Variants in KIF3A observed in about 807,000 individuals in gnomAD.
The protein encoded by KIF3A is kinesin family member 3A.
Under a neutral mutation model 92.6 loss-of-function variants are expected in KIF3A, and 27 were observed. The observed-to-expected ratio is 0.29, with a 90% CI of 0.21 to 0.40. The LOEUF (loss-of-function observed/expected upper bound fraction) is 0.40. Among genes scored for constraint, KIF3A ranks in the 10% least tolerant of loss-of-function variants. KIF3A has a pLI of 1.00. For synonymous variants in KIF3A, 250 were observed against 275.4 expected (o/e 0.91, Z 0.92); for missense variants, 581 against 872.6 (o/e 0.67, Z 4.21).
Position 132,734,279 on chromosome 5 carries a change from G to C in KIF3A, c.206C>G (p.Pro69Arg), listed in dbSNP as rs1256670620. 2 of 1,613,740 alleles carry C rather than the reference G, an allele frequency of 1.2e-6. No homozygotes were observed. The highest frequency in any genetic ancestry group is 8.5e-7 in the Non-Finnish European group (1 of 1,179,658). ...KTFTFDTVFG[P>R]ESKQLDVYNL... ...ATAAACATCAAGTTGTTTACTCTCT[G>C]GTCCAAAAACAGTATCAAAAGTAAA... The change falls in exon 2 of 19, where the codon CCA becomes CGA. Residue 69 changes from proline (P) to arginine (R), a missense_variant. By Grantham distance (103) the Pro-to-Arg change is moderately radical (BLOSUM62 -2). Transcript: ENST00000403231.
Position 132,734,262 on chromosome 5 carries a change from C to G in KIF3A, c.223G>C (p.Asp75His), listed in dbSNP as rs1158505935. 6.2e-7 allele frequency: 1 copy of G among 1,613,772 alleles called. No individual in the cohort carries two copies. Among genetic ancestry groups the G allele is most frequent in the Non-Finnish European group, 8.5e-7 (1 of 1,179,818 alleles). The change falls in exon 2 of 19, where the codon GAT becomes CAT. Residue 75 changes from aspartate to histidine, a missense_variant. Around this residue, in one of 5 missense-constraint regions of KIF3A, gnomAD observed 217 missense variants for 299.7 expected, o/e 0.72. Transcript: ENST00000403231. ...TVFGPESKQL[D>H]VYNLTARPII... ...GGTCTTGCAGTTAAGTTATAAACATCAAGTTGTTTACTCTCTGGTCCAAAA... is the reference window on the plus strand; with the variant it reads ...GGTCTTGCAGTTAAGTTATAAACATGAAGTTGTTTACTCTCTGGTCCAAAA...
intron 7 of KIF3A, 72 bp downstream of exon 7, chr5:132,716,173 C>T (rs1034549724): frequency 9.7e-6 from 12 of 1,241,578 alleles, no homozygotes; most frequent in East Asian, 7.0e-5. Context: ...AAATGTGATA[C>T]GTATCAATTA....
intron 8 of KIF3A, among the ~76,000 whole-genome samples, chr5:132,711,994 C>T (rs1422570997): frequency 6.6e-6 from 1 of 151,982 alleles, no homozygotes; most frequent in African/African-American, 2.4e-5. Flanking sequence ...AAATGTCTAA[C>T]AAAATAAAAT....
chr5:132,700,919 T>C (rs531535347), intron 15 of KIF3A, among the ~76,000 whole-genome samples: 2 of 152,276 alleles, frequency 1.3e-5, no homozygotes, highest in South Asian at 4.1e-4. Flanking sequence ...ATGAGAAACT[T>C]GGGAATCAAG....
intron 12 of KIF3A, 62 bp from the exon 13 acceptor site, chr5:132,703,127 T>G: frequency 7.1e-7 from 1 of 1,405,854 alleles, no homozygotes; most frequent in South Asian, 1.3e-5. Flanking sequence ...CTAATATCAT[T>G]TCCCAAAATT....
chr5:132,722,675 G>A (rs923219278), intron 4 of KIF3A, among the ~76,000 whole-genome samples: 2 of 152,154 alleles, frequency 1.3e-5, no homozygotes, highest in African/African-American at 4.8e-5. Flanking sequence ...AAGACAAAGT[G>A]CTTTTCCATA....
At chr5:132,735,505 G>T (rs904922547) in intron 1 of KIF3A, among the ~76,000 whole-genome samples, 10 of 152,148 alleles carry the variant, frequency 6.6e-5, no homozygotes, top group Admixed American at 6.5e-4. Flanking sequence ...GCATTGAAGA[G>T]AAACAAATAT....
chr5:132,735,462 G>C, intron 1 of KIF3A, among the ~76,000 whole-genome samples: 1 of 152,182 alleles, frequency 6.6e-6, no homozygotes, highest in East Asian at 1.9e-4. Flanking sequence ...ACAGATACTT[G>C]TTAAATTCCT....
chr5:132,717,544 G>A (rs1441573663), intron 5 of KIF3A, among the ~76,000 whole-genome samples: 3 of 150,048 alleles, frequency 2.0e-5, no homozygotes, highest in East Asian at 3.9e-4. Flanking sequence ...AAAAAAATAA[G>A]GTAGATCTAA....
At chr5:132,708,034 A>G (rs1753278877) in intron 10 of KIF3A, among the ~76,000 whole-genome samples, 1 of 152,200 alleles carries the variant, frequency 6.6e-6, no homozygotes, top group African/African-American at 2.4e-5. Context: ...CTATAATCCC[A>G]GCACTTTGGG....
intron 2 of KIF3A, among the ~76,000 whole-genome samples, chr5:132,729,108 C>A (rs909717446): frequency 6.6e-6 from 1 of 151,998 alleles, no homozygotes; most frequent in Non-Finnish European, 1.5e-5. Flanking sequence ...AACGATACAG[C>A]GGACTTTGGG....
intron 1 of KIF3A, among the ~76,000 whole-genome samples, chr5:132,735,846 G>A (rs919490470): frequency 1.3e-5 from 2 of 152,188 alleles, no homozygotes; most frequent in African/African-American, 4.8e-5. Context: ...TTCCACCCAC[G>A]TCTGCTTCAC....
intron 10 of KIF3A, 76 bp from the exon 11 acceptor site, chr5:132,706,535 CATT>C: frequency 8.3e-7 from 1 of 1,199,974 alleles, no homozygotes. Flanking sequence ...AAAAGGAAAA[CATT>C]ATTTCTCTTG....
chr5:132,700,695 C>A lies in KIF3A; in HGVS notation c.1890G>T (p.Met630Ile), dbSNP rs199998592. Reference sequence around the variant, plus strand: ...CATTCCAATGGACATAGTTTTCAATCATTTCCTTTTAAAAGGGTGAAAGAT... The same window carrying A: ...CATTCCAATGGACATAGTTTTCAATAATTTCCTTTTAAAAGGGTGAAAGAT... ...DNFIPRDYQE[M>I]IENYVHWNED... is the part of the protein sequence containing the mutation. Residue 630 changes from methionine (M) to isoleucine (I), a missense_variant, in exon 16 of 19, where the codon ATG (methionine) becomes ATT (isoleucine). Met to Ile is a conservative substitution (Grantham distance 10). Around this residue, in one of 5 missense-constraint regions of KIF3A, gnomAD observed 112 missense variants for 144.3 expected, o/e 0.78. Coordinates refer to ENST00000403231, the MANE Select transcript of KIF3A (RefSeq NM_001300791.2). The A allele has an allele frequency of 8.8e-6, 14 of 1,589,892 alleles. No homozygotes were observed. Among genetic ancestry groups the A allele is most frequent in the Non-Finnish European group, 1.1e-5 (13 of 1,158,390 alleles).
chr5:132,726,574 T>C, intron 2 of KIF3A, 76 bp from the exon 3 acceptor site: 2 of 1,294,098 alleles, frequency 1.5e-6, no homozygotes, highest in Non-Finnish European at 2.2e-6. Context: ...ATTAATTCCT[T>C]TGACACTGTG....
intron 12 of KIF3A, 24 bp from the exon 13 acceptor site, chr5:132,703,089 C>T: frequency 6.5e-7 from 1 of 1,545,732 alleles, no homozygotes; most frequent in Non-Finnish European, 8.8e-7. Context: ...TGAGAATACT[C>T]TATATTCACT....
intron 2 of KIF3A, among the ~76,000 whole-genome samples, chr5:132,733,980 T>C (rs1456966168): frequency 6.6e-6 from 1 of 152,188 alleles, no homozygotes; most frequent in Non-Finnish European, 1.5e-5. Context: ...GGCAAAATTA[T>C]AGTGACAGAA....
intron 7 of KIF3A, 92 bp downstream of exon 7, chr5:132,716,149 TAATC>T (rs1753613804): frequency 9.1e-7 from 1 of 1,103,540 alleles, no homozygotes; most frequent in Non-Finnish European, 1.3e-6. Flanking sequence ...AAAAGTAAAA[TAATC>T]AAGTTTAAAA....
intron 2 of KIF3A, among the ~76,000 whole-genome samples, chr5:132,728,986 G>T (rs1754134109): frequency 6.6e-6 from 1 of 152,082 alleles, no homozygotes; most frequent in Non-Finnish European, 1.5e-5. Context: ...CAGCAACCTG[G>T]ATGGAACTAG....
Sources: allele counts gnomAD v4.1 joint callset (sites outside exome capture counted in the v4.1 genomes callset), GRCh38; gene constraint gnomAD v4.1.1; regional missense constraint gnomAD v4.1.1; transcripts MANE v1.5; gene names NCBI Gene and HGNC (gene_info 2026-07-23, HGNC 2026-07-21).